The following COX7B2 variants were observed in gnomAD, a reference collection of about 807,000 sequenced individuals.
COX7B2 encodes cytochrome c oxidase subunit 7B2, mitochondrial.
For missense variants in COX7B2, 109 were observed against 95.9 expected, an observed-to-expected ratio of 1.14 and a Z score of -0.57; for synonymous variants, 37 against 32.1, an observed-to-expected ratio of 1.15 and a Z score of -0.51.
intron 2 of COX7B2, among the ~76,000 whole-genome samples, chr4:46,816,451 T>C (rs1051222711): frequency 3.3e-5 from 5 of 152,192 alleles, no homozygotes; most frequent in Admixed American, 3.3e-4. Context: ...TTCTTTAAAT[T>C]CTCATGGTAC....
chr4:46,838,216 A>C (rs192685804), intron 2 of COX7B2, among the ~76,000 whole-genome samples: 92 of 152,214 alleles, frequency 6.0e-4, no homozygotes, highest in Non-Finnish European at 1.1e-3. Flanking sequence ...CCTGTGAAAT[A>C]ATTATGCTGC....
chr4:46,873,303 T>C (rs1043114126), intron 1 of COX7B2, among the ~76,000 whole-genome samples: 7 of 152,214 alleles, frequency 4.6e-5, no homozygotes, highest in African/African-American at 1.7e-4. Flanking sequence ...TGTGTCTTTA[T>C]AGTAGAATGA....
chr4:46,846,016 T>C (rs1716256381), intron 1 of COX7B2, among the ~76,000 whole-genome samples: 1 of 152,022 alleles, frequency 6.6e-6, no homozygotes, highest in African/African-American at 2.4e-5. Flanking sequence ...ACCAGAGGGC[T>C]ACCAAGTAAC....
At chr4:46,830,104 T>C (rs1322508922) in intron 2 of COX7B2, among the ~76,000 whole-genome samples, 2 of 152,000 alleles carry the variant, frequency 1.3e-5, no homozygotes, top group Non-Finnish European at 2.9e-5. Context: ...GGCGTGCAGA[T>C]CATGAAGTCA....
rs192120600 is a variant in COX7B2 at position 46,830,119 on chromosome 4, T to A, written c.-50+14841A>T. On this transcript the variant is annotated intron_variant, in intron 2 of 2. Transcript: ENST00000355591. ...GGCGTGCAGATCATGAAGTCAGGAG[T>A]TCGAGACCAGCCTGGCCAACATGGT... is the stretch of plus-strand genomic sequence containing the variant. Among the ~76,000 whole-genome samples, 15 of 151,530 alleles carry A rather than the reference T, an allele frequency of 9.9e-5. No individual in the cohort carries two copies. The East Asian group carries it at 1.9e-3, about 20-fold the overall frequency.
chr4:46,769,698 G>C (rs1716759127), intron 2 of COX7B2, among the ~76,000 whole-genome samples: 1 of 152,146 alleles, frequency 6.6e-6, no homozygotes, highest in Admixed American at 6.5e-5. Context: ...ATGGGTGACA[G>C]AGTGAGACTC....
intron 2 of COX7B2, among the ~76,000 whole-genome samples, chr4:46,792,863 T>A (rs1718122737): frequency 6.6e-6 from 1 of 152,206 alleles, no homozygotes; most frequent in African/African-American, 2.4e-5. Context: ...TTTAAGATGC[T>A]AATGGCTCTA....
intron 2 of COX7B2, among the ~76,000 whole-genome samples, chr4:46,838,303 T>C (rs1484201932): frequency 6.6e-6 from 1 of 152,066 alleles, no homozygotes; most frequent in Non-Finnish European, 1.5e-5. Context: ...ATAATTTAAA[T>C]CATCTGTAAT....
intron 2 of COX7B2, among the ~76,000 whole-genome samples, chr4:46,762,449 ATACTATATATAGTATATG>A (rs1323877548): frequency 7.3e-5 from 10 of 137,676 alleles, no homozygotes; most frequent in Admixed American, 2.4e-4. Flanking sequence ...CTGTATATAT[ATACTATATATAGTATATG>A]TACTATATAT....
chr4:46,904,776 C>T (rs1160417782), intron 1 of COX7B2, among the ~76,000 whole-genome samples: 1 of 152,006 alleles, frequency 6.6e-6, no homozygotes, highest in African/African-American at 2.4e-5. Context: ...GAAAAGTTTT[C>T]CACATATTGA....
At chr4:46,871,147 A>G (rs907894757) in intron 1 of COX7B2, among the ~76,000 whole-genome samples, 1 of 152,148 alleles carries the variant, frequency 6.6e-6, no homozygotes, top group East Asian at 1.9e-4. Flanking sequence ...AAACAGACAC[A>G]TAGACCAATG....
chr4:46,808,104 G>A (rs1719096967), intron 2 of COX7B2, among the ~76,000 whole-genome samples: 1 of 151,780 alleles, frequency 6.6e-6, no homozygotes, highest in South Asian at 2.1e-4. Context: ...ATTTGCATAT[G>A]ACTTTCTGTA....
intron 2 of COX7B2, among the ~76,000 whole-genome samples, chr4:46,790,205 C>T (rs1717966362): frequency 6.6e-6 from 1 of 152,118 alleles, no homozygotes; most frequent in African/African-American, 2.4e-5. Flanking sequence ...TAGGTGTATT[C>T]CTTGTGATTC....
intron 2 of COX7B2, among the ~76,000 whole-genome samples, chr4:46,750,787 A>G (rs1330830577): frequency 6.6e-6 from 1 of 152,166 alleles, no homozygotes; most frequent in East Asian, 1.9e-4. Context: ...AGACTTCCAG[A>G]TGGCCAGCTT....
At chr4:46,888,165 C>T (rs1351184625) in intron 1 of COX7B2, among the ~76,000 whole-genome samples, 2 of 152,044 alleles carry the variant, frequency 1.3e-5, no homozygotes, top group Admixed American at 6.5e-5. Flanking sequence ...TTCAAGGTGC[C>T]ACAAGAACTC....
At chr4:46,750,372 G>C (rs564731729) in intron 2 of COX7B2, among the ~76,000 whole-genome samples, 4 of 151,920 alleles carry the variant, frequency 2.6e-5, no homozygotes, top group Non-Finnish European at 5.9e-5. Flanking sequence ...CCATCAGCCT[G>C]GGCAAAAGAG....
intron 1 of COX7B2, among the ~76,000 whole-genome samples, chr4:46,865,558 A>T (rs985032193): frequency 6.6e-6 from 1 of 152,142 alleles, no homozygotes; most frequent in Non-Finnish European, 1.5e-5. Context: ...CTTCTTGATC[A>T]TAATACTCTT....
At chr4:46,860,706 A>T (rs1004296543) in intron 1 of COX7B2, among the ~76,000 whole-genome samples, 1 of 151,782 alleles carries the variant, frequency 6.6e-6, no homozygotes, top group African/African-American at 2.4e-5. Context: ...ATGCCATTTT[A>T]TTTTTCCATG....
chr4:46,844,379 CA>C (rs1716129459), intron 2 of COX7B2, among the ~76,000 whole-genome samples: 1 of 151,926 alleles, frequency 6.6e-6, no homozygotes, highest in African/African-American at 2.4e-5. Context: ...ATATTAAATA[CA>C]AATGTCTAGA....
Sources: gnomAD v4.1 joint callset for allele counts (sites outside exome capture counted in the v4.1 genomes callset) on GRCh38, gnomAD v4.1.1 for gene constraint, MANE v1.5 for transcripts, NCBI Gene and HGNC (gene_info 2026-07-23, HGNC 2026-07-21) for gene names.